Variants in PRDM1 observed in about 807,000 individuals in gnomAD.
PRDM1 encodes the protein PR domain zinc finger protein 1.
Under a neutral mutation model 62.8 loss-of-function variants are expected in PRDM1, and 13 were observed. That is an observed-to-expected ratio of 0.21 (90% CI 0.13 to 0.33). The LOEUF (loss-of-function observed/expected upper bound fraction) is 0.33, where lower values mean the gene tolerates loss of function less well. Ranked by LOEUF, PRDM1 falls within the 10% of genes least tolerant of loss-of-function variation. PRDM1 has a pLI of 1.00. For missense variants in PRDM1, 895 were observed against 1,058.8 expected (o/e 0.85, Z 2.15); for synonymous variants, 396 against 417.6 (o/e 0.95, Z 0.63).
At chr6:106,017,088 T>C (rs962937225) in intron 1 of PRDM1, among the ~76,000 whole-genome samples, 9 of 152,232 alleles carry the variant, frequency 5.9e-5, no homozygotes, top group African/African-American at 9.6e-5. Flanking sequence ...ATAAAATATA[T>C]GTAGATACTT....
chr6:106,076,951 A>T (rs1280095114), intron 1 of PRDM1, among the ~76,000 whole-genome samples: 1 of 152,250 alleles, frequency 6.6e-6, no homozygotes, highest in Admixed American at 6.5e-5. Flanking sequence ...GGCTGAGTGG[A>T]CAAAAGCAGA....
intron 1 of PRDM1, among the ~76,000 whole-genome samples, chr6:106,080,611 A>T (rs1350228751): frequency 6.6e-6 from 1 of 152,202 alleles, no homozygotes; most frequent in Admixed American, 6.5e-5. Flanking sequence ...ATTAGAAGGA[A>T]TTAGAACAGC....
upstream of PRDM1, among the ~76,000 whole-genome samples, chr6:106,083,488 A>G (rs1038438795): frequency 6.6e-5 from 10 of 151,996 alleles, no homozygotes; most frequent in South Asian, 2.1e-4. Context: ...TCCTTTCCCT[A>G]TAGAGTCATC....
intron 1 of PRDM1, among the ~76,000 whole-genome samples, chr6:106,014,559 G>T (rs4946716): frequency 2.0e-5 from 3 of 151,572 alleles, no homozygotes; most frequent in Non-Finnish European, 4.4e-5. Context: ...TATGATCTAC[G>T]TTTAATCTAT....
At chr6:106,055,387 C>T (rs11152956) in intron 1 of PRDM1, among the ~76,000 whole-genome samples, 1 of 152,006 alleles carries the variant, frequency 6.6e-6, no homozygotes, top group Non-Finnish European at 1.5e-5. Context: ...TATTATTAAT[C>T]GGATCAGGGC....
intron 1 of PRDM1, among the ~76,000 whole-genome samples, chr6:106,032,243 A>C (rs1562148861): frequency 1.3e-5 from 2 of 152,116 alleles, no homozygotes; most frequent in Non-Finnish European, 2.9e-5. Flanking sequence ...AGTTCACTGC[A>C]GCCTCTCTGG....
intron 1 of PRDM1, among the ~76,000 whole-genome samples, chr6:106,067,244 G>A (rs1773447164): frequency 6.6e-6 from 1 of 152,134 alleles, no homozygotes; most frequent in South Asian, 2.1e-4. Context: ...TATAAACAGT[G>A]CTTATGGTCA....
intron 2 of PRDM1, among the ~76,000 whole-genome samples, chr6:106,090,944 T>G (rs1033503544): frequency 6.6e-5 from 10 of 152,136 alleles, no homozygotes; most frequent in African/African-American, 1.9e-4. Context: ...CCCTCATTTT[T>G]AGATTGGGTT....
chr6:106,095,038 G>A (rs1236703631), intron 2 of PRDM1, among the ~76,000 whole-genome samples: 1 of 147,288 alleles, frequency 6.8e-6, no homozygotes, highest in Non-Finnish European at 1.5e-5. Flanking sequence ...GAATGTACAA[G>A]CTATGAAAAA....
intron 1 of PRDM1, among the ~76,000 whole-genome samples, chr6:106,042,748 T>A (rs765866447): frequency 1.2e-4 from 19 of 152,186 alleles, no homozygotes; most frequent in Non-Finnish European, 2.4e-4. Flanking sequence ...CTGTAGATCC[T>A]AGAACTCACG....
chr6:106,061,312 G>A (rs1479568837), intron 1 of PRDM1, among the ~76,000 whole-genome samples: 2 of 61,580 alleles, frequency 3.2e-5, no homozygotes, highest in African/African-American at 7.1e-5. Flanking sequence ...CCTTCCAGCA[G>A]TTCAGCAGTT....
chr6:106,092,887 A>C (rs1256099679), intron 2 of PRDM1, among the ~76,000 whole-genome samples: 1 of 152,190 alleles, frequency 6.6e-6, no homozygotes, highest in Non-Finnish European at 1.5e-5. Context: ...CCAGTTTTGA[A>C]ATTTTATGAT....
chr6:106,088,345 A>G lies in PRDM1; in HGVS notation c.187A>G (p.Asn63Asp). The G allele has an allele frequency of 6.2e-7, 1 of 1,614,122 alleles. No individual in the cohort carries two copies. Among genetic ancestry groups the G allele is most frequent in the Non-Finnish European group, 8.5e-7 (1 of 1,180,038 alleles). Residue 63 changes from asparagine to aspartate, a missense_variant, in exon 2 of 7, where the codon AAC (asparagine) becomes GAC (aspartate). By Grantham distance (23) the Asn-to-Asp change is conservative (BLOSUM62 1). Transcript: ENST00000369096. ...TGAAGAGAAGTGTACATACATTGTG[A>G]ACGACCACCCCTGGGATTCTGGTGC... ...EFEEKCTYIVNDHPWDSGADG... is the reference protein window; with the variant it reads ...EFEEKCTYIVDDHPWDSGADG...
intron 2 of PRDM1, among the ~76,000 whole-genome samples, chr6:106,092,287 C>T (rs571724475): frequency 2.0e-5 from 3 of 152,184 alleles, no homozygotes; most frequent in South Asian, 2.1e-4. Flanking sequence ...CTGTGGACGG[C>T]GGGGTGTGTT....
chr6:106,010,639 T>TA (rs1202429552), intron 1 of PRDM1, among the ~76,000 whole-genome samples: 6 of 152,242 alleles, frequency 3.9e-5, no homozygotes, highest in African/African-American at 1.4e-4. Context: ...TTTTTAAACT[T>TA]ACTTTTTTAA....
intron 1 of PRDM1, among the ~76,000 whole-genome samples, chr6:106,049,364 T>A (rs916841973): frequency 1.3e-5 from 2 of 152,216 alleles, no homozygotes; most frequent in Non-Finnish European, 2.9e-5. Context: ...GTACATTTTA[T>A]GTCTATATGA....
intron 1 of PRDM1, among the ~76,000 whole-genome samples, chr6:106,015,512 T>C (rs1297651682): frequency 6.7e-6 from 1 of 150,228 alleles, no homozygotes; most frequent in Non-Finnish European, 1.5e-5. Flanking sequence ...AAAAGAGATT[T>C]GCTGCTGTTT....
intron 1 of PRDM1, among the ~76,000 whole-genome samples, chr6:106,058,570 C>CTTTG (rs1773298098): frequency 6.6e-6 from 1 of 152,104 alleles, no homozygotes; most frequent in Non-Finnish European, 1.5e-5. Flanking sequence ...CAGCATATTT[C>CTTTG]TTTCTTTCTT....
intron 4 of PRDM1, among the ~76,000 whole-genome samples, chr6:106,103,804 C>T (rs577248633): frequency 3.3e-5 from 5 of 152,224 alleles, no homozygotes; most frequent in South Asian, 2.1e-4. Flanking sequence ...TTCTTGGGTG[C>T]GCTAAGTAAT....
Sources: gnomAD v4.1 joint callset for allele counts (sites outside exome capture counted in the v4.1 genomes callset) on GRCh38, gnomAD v4.1.1 for gene constraint, MANE v1.5 for transcripts, NCBI Gene and HGNC (gene_info 2026-07-23, HGNC 2026-07-21) for gene names.